The following SPICE1 variants were observed in gnomAD, a reference collection of about 807,000 sequenced individuals.
SPICE1 encodes the protein spindle and centriole associated protein 1.
A neutral mutation model predicts 102.7 loss-of-function variants in SPICE1; 75 were observed. That is an observed-to-expected ratio of 0.73 (90% CI 0.61 to 0.88). The LOEUF (loss-of-function observed/expected upper bound fraction) is 0.88, where lower values mean the gene tolerates loss of function less well. SPICE1 is among the 40% of genes least tolerant of loss of function. SPICE1 has a pLI of 0.00. For synonymous variants in SPICE1, 308 were observed against 350.3 expected (o/e 0.88, Z 1.35); for missense variants, 979 against 1,020.1 (o/e 0.96, Z 0.55).
At chr3:113,501,369 G>A (rs898982609) in intron 3 of SPICE1, among the ~76,000 whole-genome samples, 6 of 151,992 alleles carry the variant, frequency 3.9e-5, no homozygotes, top group African/African-American at 1.5e-4. Flanking sequence ...CAGTTTCTTA[G>A]GTATGATACT....
chr3:113,491,624 CAAAA>C (rs869171154), intron 6 of SPICE1, among the ~76,000 whole-genome samples: 32 of 38,104 alleles, frequency 8.4e-4, no homozygotes, highest in South Asian at 3.9e-3. Flanking sequence ...GACTCCGTCT[CAAAA>C]AAAAAAAAAA....
chr3:113,474,702 T>G (rs905550547), intron 7 of SPICE1, among the ~76,000 whole-genome samples: 5 of 151,886 alleles, frequency 3.3e-5, no homozygotes, highest in East Asian at 1.9e-4. Flanking sequence ...GGTACATAAA[T>G]AAATGAAGGC....
rs1305343102 is a variant in SPICE1, at chr3:113,460,349, A to T, written c.1435+268T>A. Reference sequence around the variant, plus strand: ...CTCTCTCAGCCTGTTTCCTCTAAGGATAACACCAATGGGGATAACAATAAC... The same window carrying T: ...CTCTCTCAGCCTGTTTCCTCTAAGGTTAACACCAATGGGGATAACAATAAC... On this transcript the variant is annotated intron_variant, in intron 12 of 17. Transcript: ENST00000295872. 5 of 902,984 alleles carry T rather than the reference A, an allele frequency of 5.5e-6. No homozygotes were observed. The Admixed American group carries it at 2.5e-4, about 45-fold the overall frequency. 55.9% of individuals were successfully genotyped at this position (902,984 alleles called of 1,614,324 possible).
chr3:113,476,188 C>T (rs1250121359), intron 7 of SPICE1, among the ~76,000 whole-genome samples: 23 of 150,332 alleles, frequency 1.5e-4, no homozygotes, highest in Admixed American at 1.4e-3. Context: ...TTCACAATTG[C>T]TTCAAAGAGA....
At chr3:113,459,503 ACCTATAGGATAAT>A (rs1935875742) in intron 12 of SPICE1, 1 of 983,776 alleles carries the variant, frequency 1.0e-6, no homozygotes, top group Admixed American at 6.1e-5. Flanking sequence ...AGCCCTTCTT[ACCTATAGGATAAT>A]TAAAAGCTTT....
chr3:113,486,449 A>G (rs1020054374), intron 7 of SPICE1, among the ~76,000 whole-genome samples: 14 of 151,188 alleles, frequency 9.3e-5, no homozygotes, highest in Admixed American at 8.6e-4. Context: ...ATAGACTGGT[A>G]GCCAGACTAA....
intron 1 of SPICE1, among the ~76,000 whole-genome samples, chr3:113,507,802 T>C (rs935534539): frequency 6.6e-6 from 1 of 152,208 alleles, no homozygotes; most frequent in East Asian, 1.9e-4. Flanking sequence ...CATTATTTTC[T>C]TGAATCCTCA....
At position 113,452,860 on chromosome 3, in the gene SPICE1, C is replaced by T. The variant is rs929009884; in HGVS notation, c.2142+606G>A. 7.9e-5 allele frequency among the ~76,000 whole-genome samples: 12 copies of T among 152,234 alleles called. 1 individual carries two copies. The South Asian group carries it at 2.3e-3, about 29-fold the overall frequency. On this transcript the variant is annotated intron_variant, in intron 14 of 17. Coordinates refer to ENST00000295872, the MANE Select transcript of SPICE1 (RefSeq NM_144718.4). ...AGGTGTGGTGGTGCATGCCTGTAAT[C>T]CCAGCTACTTAGGAGGCTGAGGCAG...
At position 113,468,614 on chromosome 3, in the gene SPICE1, T is replaced by C. The variant is rs986419132; in HGVS notation, c.889+148A>G. ...ACCACTGTTCCAGAGTTACATGTGGTAGGAGACATTTCTTAGCTACCATTC... is the reference window on the plus strand; with the variant it reads ...ACCACTGTTCCAGAGTTACATGTGGCAGGAGACATTTCTTAGCTACCATTC... On this transcript the variant is annotated intron_variant, in intron 9 of 17. Coordinates refer to ENST00000295872, the MANE Select transcript of SPICE1 (RefSeq NM_144718.4). The C allele has an allele frequency of 3.8e-6, 4 of 1,065,200 alleles. No individual in the cohort carries two copies. The African/African-American group carries it at 4.8e-5, about 13-fold the overall frequency. The allele number at this position is 1,065,200 out of a possible 1,614,324, so 66.0% of individuals were successfully genotyped here.
intron 17 of SPICE1, 33 bp from the exon 18 acceptor site, chr3:113,445,393 G>T: frequency 6.3e-7 from 1 of 1,587,610 alleles, no homozygotes; most frequent in South Asian, 1.1e-5. Context: ...AAATTTAGAT[G>T]GTAATTAGAA....
In SPICE1 at chr3:113,457,815, C is replaced by G. The variant is rs189400797; in HGVS notation, c.1436-458G>C. Among the ~76,000 whole-genome samples the G allele has an allele frequency of 9.2e-5, 14 of 152,274 alleles. 1 individual carries two copies. In the East Asian group the frequency reaches 2.7e-3, roughly 29 times the overall value. On this transcript the variant is annotated intron_variant, in intron 12 of 17. Coordinates refer to ENST00000295872, the MANE Select transcript of SPICE1 (RefSeq NM_144718.4). The stretch of plus-strand genomic sequence containing the variant: ...CTGGGACTATAGGCATGCACCATCA[C>G]ACCCAGCTAATTTTTTGTATTCGTT...
At chr3:113,514,211 T>C (rs1000776376) in intron 1 of SPICE1, among the ~76,000 whole-genome samples, 3 of 152,200 alleles carry the variant, frequency 2.0e-5, no homozygotes, top group African/African-American at 7.2e-5. Context: ...TGTAGTCTTG[T>C]GAGCCACAGC....
chr3:113,485,184 T>G (rs923025632), intron 7 of SPICE1, among the ~76,000 whole-genome samples: 5 of 151,310 alleles, frequency 3.3e-5, no homozygotes, highest in African/African-American at 1.2e-4. Flanking sequence ...TTGTTTTTTT[T>G]TTTTTTTCCA....
chr3:113,499,241 G>A (rs903966416), intron 4 of SPICE1, 198 bp downstream of exon 4: 1 of 482,510 alleles, frequency 2.1e-6, no homozygotes, highest in African/African-American at 1.9e-5. Context: ...CAGCTGGTAA[G>A]TAGTAGAACA....
chr3:113,485,628 AG>A (rs1936629412), intron 7 of SPICE1, among the ~76,000 whole-genome samples: 1 of 152,184 alleles, frequency 6.6e-6, no homozygotes, highest in African/African-American at 2.4e-5. Context: ...AGCACCTGGG[AG>A]AAGGGGCGGC....
At chr3:113,513,298 C>A (rs1346048480) in intron 1 of SPICE1, among the ~76,000 whole-genome samples, 4 of 152,032 alleles carry the variant, frequency 2.6e-5, no homozygotes, top group Non-Finnish European at 5.9e-5. Flanking sequence ...ATAGTTTCAG[C>A]TACTCAGGAG....
intron 4 of SPICE1, among the ~76,000 whole-genome samples, chr3:113,497,262 C>G (rs1936912706): frequency 6.6e-6 from 1 of 152,172 alleles, no homozygotes; most frequent in Non-Finnish European, 1.5e-5. Flanking sequence ...GCAGAGTTCC[C>G]TACCAGCTAC....
At position 113,445,030 on chromosome 3, in the gene SPICE1, A is replaced by C. The variant is rs181057224; in HGVS notation, c.*277T>G. 4 of 243,240 alleles carry C rather than the reference A, an allele frequency of 1.6e-5. No homozygotes were observed. In the East Asian group the frequency reaches 3.1e-4, roughly 19 times the overall value. The allele number at this position is 243,240 out of a possible 1,614,324, so 15.1% of individuals were successfully genotyped here. The stretch of plus-strand genomic sequence containing the variant: ...GATAAAGGTAAAAATGTATTAATAA[A>C]AAAAACCCTTAAAATACTTAAGAAA... On this transcript the variant is annotated 3_prime_UTR_variant, in exon 18 of 18. Coordinates refer to ENST00000295872, the MANE Select transcript of SPICE1 (RefSeq NM_144718.4).
intron 3 of SPICE1, among the ~76,000 whole-genome samples, chr3:113,501,471 A>G (rs887359378): frequency 2.8e-4 from 43 of 152,206 alleles, no homozygotes; most frequent in African/African-American, 1.0e-3. Context: ...AAGAAACTGA[A>G]AAAACAACTA....
Sources: allele counts gnomAD v4.1 joint callset (sites outside exome capture counted in the v4.1 genomes callset), GRCh38; gene constraint gnomAD v4.1.1; transcripts MANE v1.5; gene names NCBI Gene and HGNC (gene_info 2026-07-23, HGNC 2026-07-21).